FAM168B: variants seen among roughly 807,000 people sequenced by gnomAD.
FAM168B encodes myelin-associated neurite-outgrowth inhibitor.
Under a neutral mutation model 21.8 loss-of-function variants are expected in FAM168B, and 19 were observed. The observed-to-expected ratio is 0.87, with a 90% CI of 0.61 to 1.28. The LOEUF is 1.28. FAM168B is among the 50% of genes most tolerant of loss of function. The pLI is 0.00. For missense variants in FAM168B, 233 were observed against 263.1 expected, an observed-to-expected ratio of 0.89 and a Z score of 0.79; for synonymous variants, 126 against 104.8, an observed-to-expected ratio of 1.20 and a Z score of -1.24.
At chr2:131,075,388 T>C (rs1183995263) in intron 2 of FAM168B, among the ~76,000 whole-genome samples, 1 of 152,046 alleles carries the variant, frequency 6.6e-6, no homozygotes, top group Non-Finnish European at 1.5e-5. Context: ...TCTACCAATA[T>C]ATTCTCATGG....
At chr2:131,053,646 G>C (rs1474893977) in intron 5 of FAM168B, among the ~76,000 whole-genome samples, 1 of 152,284 alleles carries the variant, frequency 6.6e-6, no homozygotes, top group East Asian at 1.9e-4. Flanking sequence ...GGAGGCTGGG[G>C]TGGGAGGATA....
At position 131,048,810 on chromosome 2, in the gene FAM168B, G is replaced by A; in HGVS notation, c.*3655C>T. The A allele has an allele frequency of 1.0e-6, 1 of 986,146 alleles. No homozygotes were observed. Among genetic ancestry groups the A allele is most frequent in the Non-Finnish European group, 1.2e-6 (1 of 830,212 alleles). 61.1% of individuals were successfully genotyped at this position (986,146 alleles called of 1,614,324 possible). A position where few individuals can be genotyped will look rare whatever the true frequency, so the allele number is the denominator to read the frequency against. ...CCTCTCAGAAAGCACCAGAGAGGAG[G>A]ACCAGACGCTGCCACCCACCTCAAG... On this transcript the variant is annotated 3_prime_UTR_variant, in exon 7 of 7. Coordinates refer to ENST00000389915, the MANE Select transcript of FAM168B (RefSeq NM_001009993.4).
intron 2 of FAM168B, among the ~76,000 whole-genome samples, chr2:131,076,722 A>G (rs1469277020): frequency 6.6e-6 from 1 of 152,084 alleles, no homozygotes; most frequent in Non-Finnish European, 1.5e-5. Context: ...AAAATACCAT[A>G]GTTAAGCAAA....
At chr2:131,069,171 A>C (rs1053898449) in intron 3 of FAM168B, among the ~76,000 whole-genome samples, 3 of 152,200 alleles carry the variant, frequency 2.0e-5, no homozygotes, top group Admixed American at 2.0e-4. Context: ...AAATTAACTC[A>C]AGGTTCTTCT....
chr2:131,064,752 TGAG>T (rs1372384234), intron 3 of FAM168B, among the ~76,000 whole-genome samples: 1 of 151,978 alleles, frequency 6.6e-6, no homozygotes. Flanking sequence ...CCTGGGATGA[TGAG>T]AACAGTGACC....
chr2:131,051,993 G>T lies in FAM168B; in HGVS notation c.*472C>A. ...AAGAATCATCTAAGATATTTCAGATGCTCTATGAAGAAATTCACTTTAACA... is the reference window on the plus strand; with the variant it reads ...AAGAATCATCTAAGATATTTCAGATTCTCTATGAAGAAATTCACTTTAACA... On this transcript the variant is annotated 3_prime_UTR_variant, in exon 7 of 7. Coordinates refer to ENST00000389915, the MANE Select transcript of FAM168B (RefSeq NM_001009993.4). 2.0e-6 allele frequency: 2 copies of T among 985,596 alleles called. No individual in the cohort carries two copies. Among genetic ancestry groups the T allele is most frequent in the South Asian group, 9.4e-5 (2 of 21,286 alleles). 61.1% of individuals were successfully genotyped at this position (985,596 alleles called of 1,614,324 possible).
At chr2:131,090,332 A>AAG (rs1387940556) in intron 1 of FAM168B, among the ~76,000 whole-genome samples, 11 of 151,350 alleles carry the variant, frequency 7.3e-5, no homozygotes, top group East Asian at 5.8e-4. Flanking sequence ...AAAAAAAAAA[A>AAG]AAAAAAAGAA....
In FAM168B at chr2:131,051,069, C is replaced by G; in HGVS notation, c.*1396G>C. 1.0e-6 allele frequency: 1 copy of G among 985,442 alleles called. No individual in the cohort carries two copies. The highest frequency in any genetic ancestry group is 4.7e-5 in the South Asian group (1 of 21,280). 61.0% of individuals were successfully genotyped at this position (985,442 alleles called of 1,614,324 possible). ...ACTCAAATTCCTCTCCCACAATAAA[C>G]CCTGCCAGCAAACGCACTCCAGCAC... On this transcript the variant is annotated 3_prime_UTR_variant, in exon 7 of 7. Coordinates refer to ENST00000389915, the MANE Select transcript of FAM168B (RefSeq NM_001009993.4).
chr2:131,090,185 G>A (rs1693936764), intron 1 of FAM168B, among the ~76,000 whole-genome samples: 1 of 150,556 alleles, frequency 6.6e-6, no homozygotes, highest in Admixed American at 6.6e-5. Flanking sequence ...TCCAGGCACG[G>A]TGGCAGGCGC....
intron 3 of FAM168B, among the ~76,000 whole-genome samples, chr2:131,064,546 T>C (rs1236403798): frequency 6.6e-6 from 1 of 152,120 alleles, no homozygotes; most frequent in Non-Finnish European, 1.5e-5. Context: ...AAATAACTGC[T>C]CTCTAGAATT....
intron 1 of FAM168B, among the ~76,000 whole-genome samples, chr2:131,092,606 T>C (rs1006053828): frequency 6.6e-6 from 1 of 152,170 alleles, no homozygotes; most frequent in African/African-American, 2.4e-5. Flanking sequence ...AAACAGCCCA[T>C]GAGATGCACA....
chr2:131,053,604 C>T (rs1691828107), intron 5 of FAM168B, among the ~76,000 whole-genome samples: 1 of 152,160 alleles, frequency 6.6e-6, no homozygotes, highest in African/African-American at 2.4e-5. Context: ...GGGCTGGGCA[C>T]AGGGGCTCAT....
intron 1 of FAM168B, among the ~76,000 whole-genome samples, chr2:131,088,421 AGGG>A (rs1693829952): frequency 6.6e-6 from 1 of 150,424 alleles, no homozygotes; most frequent in South Asian, 2.2e-4. Context: ...TGGGGGGAAA[AGGG>A]GGCGGGAGAG....
chr2:131,070,610 T>C (rs1692825121), intron 3 of FAM168B, among the ~76,000 whole-genome samples: 2 of 152,244 alleles, frequency 1.3e-5, no homozygotes, highest in Non-Finnish European at 1.5e-5. Context: ...TAAATATTAA[T>C]AGCATTTTCA....
chr2:131,075,622 G>C (rs1457385923), intron 2 of FAM168B, among the ~76,000 whole-genome samples: 1 of 151,914 alleles, frequency 6.6e-6, no homozygotes, highest in African/African-American at 2.4e-5. Flanking sequence ...AGCCTCCTGA[G>C]TGGCTAGGAC....
intron 2 of FAM168B, among the ~76,000 whole-genome samples, chr2:131,076,684 T>C (rs1218236258): frequency 6.6e-6 from 1 of 150,984 alleles, no homozygotes; most frequent in East Asian, 1.9e-4. Context: ...CTGATCACCT[T>C]ACAAAAGTAA....
intron 5 of FAM168B, 96 bp from the exon 6 acceptor site, chr2:131,053,111 G>C: frequency 7.0e-7 from 1 of 1,422,578 alleles, no homozygotes; most frequent in Non-Finnish European, 9.2e-7. Context: ...GCAAGGAGGA[G>C]GGTATACAGG....
At chr2:131,079,613 C>T (rs1478982722) in intron 2 of FAM168B, among the ~76,000 whole-genome samples, 1 of 152,204 alleles carries the variant, frequency 6.6e-6, no homozygotes, top group Non-Finnish European at 1.5e-5. Flanking sequence ...GGATTTTCCT[C>T]TGGGCCTGCA....
At chr2:131,092,800 G>A (rs1354011372) in intron 1 of FAM168B, among the ~76,000 whole-genome samples, 1 of 151,546 alleles carries the variant, frequency 6.6e-6, no homozygotes, top group East Asian at 1.9e-4. Context: ...CTCAGATTCC[G>A]CCAAGCAAAA....
Sources: gnomAD v4.1 joint callset for allele counts (sites outside exome capture counted in the v4.1 genomes callset) on GRCh38, gnomAD v4.1.1 for gene constraint, MANE v1.5 for transcripts, NCBI Gene and HGNC (gene_info 2026-07-23, HGNC 2026-07-21) for gene names.